PITPNM2: variants seen among roughly 807,000 people sequenced by gnomAD.
The protein encoded by PITPNM2 is membrane-associated phosphatidylinositol transfer protein 2.
A neutral mutation model predicts 132.2 loss-of-function variants in PITPNM2; 35 were observed. That is an observed-to-expected ratio of 0.26 (90% CI 0.20 to 0.35). PITPNM2 has a LOEUF of 0.35. Among genes scored for constraint, PITPNM2 ranks in the 10% least tolerant of loss-of-function variants. PITPNM2 has a pLI of 1.00. For missense variants in PITPNM2, 1,332 were observed against 1,912.0 expected, an observed-to-expected ratio of 0.70 and a Z score of 5.66; for synonymous variants, 738 against 799.2, an observed-to-expected ratio of 0.92 and a Z score of 1.29.
chr12:123,103,754 C>T (rs758903657), intron 2 of PITPNM2, among the ~76,000 whole-genome samples: 3 of 152,132 alleles, frequency 2.0e-5, no homozygotes, highest in Non-Finnish European at 4.4e-5. Context: ...TTTTCTTAGG[C>T]CTCAGTTTTC....
chr12:123,018,288 CTTTT>C (rs2039523594), intron 3 of PITPNM2, among the ~76,000 whole-genome samples: 1 of 113,202 alleles, frequency 8.8e-6, no homozygotes, highest in South Asian at 3.0e-4. Flanking sequence ...TTTCTTTTTT[CTTTT>C]CTTTTTTTTT....
At chr12:123,038,078 G>A (rs559269125) in intron 2 of PITPNM2, among the ~76,000 whole-genome samples, 4 of 152,358 alleles carry the variant, frequency 2.6e-5, no homozygotes, top group Admixed American at 6.5e-5. Context: ...GCTTAGGACC[G>A]TGCAAGGGCA....
rs1036114820 is a variant in PITPNM2 at position 123,083,444 on chromosome 12, C to T, written c.-96+26941G>A. On this transcript the variant is annotated intron_variant, in intron 2 of 25. Coordinates refer to ENST00000320201, the MANE Select transcript of PITPNM2 (RefSeq NM_020845.3). This position sits in a 1 kb window ranked among gnomAD's most constrained non-coding sequence, Gnocchi z 4.5. ...GTCCCTCACCCCCACTGTAGACTAACTCCTGGTCCCACCCTACGGCTTTGG... is the reference window on the plus strand; with the variant it reads ...GTCCCTCACCCCCACTGTAGACTAATTCCTGGTCCCACCCTACGGCTTTGG... The T allele has an allele frequency of 1.3e-5, 2 of 152,296 alleles. No homozygotes were observed. The highest frequency in any genetic ancestry group is 2.4e-5 in the African/African-American group (1 of 41,470). The allele number at this position is 152,296 out of a possible 1,614,324, so 9.4% of individuals were successfully genotyped here.
At chr12:123,127,562 C>A (rs1040278630) in intron 1 of PITPNM2, among the ~76,000 whole-genome samples, 8 of 151,538 alleles carry the variant, frequency 5.3e-5, no homozygotes, top group Non-Finnish European at 7.4e-5. Context: ...TCAAAACATT[C>A]ATTTTGCAAC....
At chr12:123,103,132 G>T (rs997673098) in intron 2 of PITPNM2, among the ~76,000 whole-genome samples, 1 of 152,182 alleles carries the variant, frequency 6.6e-6, no homozygotes, top group African/African-American at 2.4e-5. Context: ...TAGACACAAG[G>T]CCTCTGGTTT....
chr12:123,013,155 G>A (rs543231767), intron 4 of PITPNM2, among the ~76,000 whole-genome samples: 1 of 152,338 alleles, frequency 6.6e-6, no homozygotes, highest in East Asian at 1.9e-4. Flanking sequence ...GAGCTTAGAG[G>A]GGAAAGTACT....
intron 2 of PITPNM2, among the ~76,000 whole-genome samples, chr12:123,037,860 T>G (rs1415435088): frequency 6.6e-6 from 1 of 152,232 alleles, no homozygotes; most frequent in Non-Finnish European, 1.5e-5. Flanking sequence ...TTTCAAAGGC[T>G]CTGTGAGCAC....
rs563234882 is a variant in PITPNM2, at chr12:123,110,367, A to T, written c.-96+18T>A. 1 of 152,416 alleles carries T rather than the reference A, an allele frequency of 6.6e-6. No individual in the cohort carries two copies. Among genetic ancestry groups the T allele is most frequent in the South Asian group, 2.1e-4 (1 of 4,824 alleles). 9.4% of individuals were successfully genotyped at this position (152,416 alleles called of 1,614,324 possible). A position where few individuals can be genotyped will look rare whatever the true frequency, so the allele number is the denominator to read the frequency against. ...GCTCTGGGAAGTAGGGTGCTACTGC[A>T]CAGGTGGACGGCCTTACCTGTGGGT... is the stretch of plus-strand genomic sequence containing the variant. On this transcript the variant is annotated intron_variant, in intron 2 of 25. Transcript: ENST00000320201.
chr12:122,987,568 G>A lies in PITPNM2; in HGVS notation c.3206C>T (p.Thr1069Ile), dbSNP rs1342018961. The change falls in exon 22 of 26, where the codon ACC becomes ATC. Residue 1069 changes from threonine (T) to isoleucine (I), a missense_variant. Coordinates refer to ENST00000320201, the MANE Select transcript of PITPNM2 (RefSeq NM_020845.3). Reference sequence around the variant, plus strand: ...GCCCAGGCGGTGCGACTCAGGGATGGTGTAGGAGACACGCCCACTGTTGTT... The same window carrying A: ...GCCCAGGCGGTGCGACTCAGGGATGATGTAGGAGACACGCCCACTGTTGTT... ...VTNNSGRVSYTIPESHRLGVG... is the reference protein window; with the variant it reads ...VTNNSGRVSYIIPESHRLGVG... 2.5e-6 allele frequency: 4 copies of A among 1,613,852 alleles called. No homozygotes were observed. Among genetic ancestry groups the A allele is most frequent in the Non-Finnish European group, 3.4e-6 (4 of 1,180,020 alleles).
intron 1 of PITPNM2, among the ~76,000 whole-genome samples, chr12:123,118,393 T>A (rs1207164867): frequency 2.0e-5 from 3 of 152,144 alleles, no homozygotes; most frequent in African/African-American, 4.8e-5. Flanking sequence ...AAACATGAGA[T>A]GAGCAAAGAA....
At chr12:123,093,042 A>G (rs958634560) in intron 2 of PITPNM2, among the ~76,000 whole-genome samples, 2 of 152,226 alleles carry the variant, frequency 1.3e-5, no homozygotes, top group Non-Finnish European at 2.9e-5. Context: ...TGATTGCACC[A>G]TGAGAAGGAA....
Position 122,986,784 on chromosome 12 carries a change from C to T in PITPNM2, c.3459G>A (p.Arg1153=). The part of the protein sequence containing the change: ...LGYLIIYVTG[R]PDMQKQRVVA... ...CCACCCGCTGCTTCTGCATGTCGGG[C>T]CGGCCCGTCACGTAGATGATGAGGT... Residue 1153 remains arginine (R), a synonymous_variant, in exon 24 of 26, where the codon CGG becomes CGA. Transcript: ENST00000320201. 1 of 1,613,436 alleles carries T rather than the reference C, an allele frequency of 6.2e-7. No individual in the cohort carries two copies. Among genetic ancestry groups the T allele is most frequent in the South Asian group, 1.1e-5 (1 of 91,064 alleles).
At chr12:123,032,702 C>A (rs1490278190) in intron 3 of PITPNM2, among the ~76,000 whole-genome samples, 1 of 152,160 alleles carries the variant, frequency 6.6e-6, no homozygotes, top group East Asian at 1.9e-4. Context: ...AAGACAACAG[C>A]AGCACTGGCA....
upstream of PITPNM2, among the ~76,000 whole-genome samples, chr12:123,151,653 G>T (rs1295956840): frequency 1.3e-5 from 2 of 152,104 alleles, no homozygotes; most frequent in Non-Finnish European, 2.9e-5. Flanking sequence ...GGAGTAGCTG[G>T]AAGAGGATCA....
intron 2 of PITPNM2, among the ~76,000 whole-genome samples, chr12:123,045,062 ACT>A (rs1379232548): frequency 4.0e-5 from 6 of 151,872 alleles, no homozygotes; most frequent in Admixed American, 2.0e-4. Flanking sequence ...CTGAAGGCCA[ACT>A]CTCTGTCACT....
intron 3 of PITPNM2, among the ~76,000 whole-genome samples, chr12:123,019,730 T>C (rs2039593416): frequency 6.6e-6 from 1 of 152,210 alleles, no homozygotes; most frequent in African/African-American, 2.4e-5. Context: ...AAGAAAGAGA[T>C]GTCATTGTCC....
intron 2 of PITPNM2, among the ~76,000 whole-genome samples, chr12:123,110,172 T>A (rs1352971066): frequency 6.6e-6 from 1 of 152,140 alleles, no homozygotes; most frequent in Non-Finnish European, 1.5e-5. Context: ...CGAGGCTGTC[T>A]TGAAATCCTG....
chr12:123,024,183 C>T (rs1276890868), intron 3 of PITPNM2, among the ~76,000 whole-genome samples: 1 of 152,146 alleles, frequency 6.6e-6, no homozygotes, highest in Admixed American at 6.5e-5. Flanking sequence ...AAAAGATGCT[C>T]AACATCATTT....
Position 123,008,778 on chromosome 12 carries a change from C to T in PITPNM2, c.643+1072G>A, listed in dbSNP as rs192422192. ...TCTGCCCTGGGGATGGAGGTGGTGA[C>T]ACCAACACACCCATCGAGGCCCTGT... On this transcript the variant is annotated intron_variant, in intron 6 of 25. Transcript: ENST00000320201. This position sits in a 1 kb window ranked among gnomAD's most constrained non-coding sequence, Gnocchi z 4.1. 8.7e-4 allele frequency among the ~76,000 whole-genome samples: 133 copies of T among 152,304 alleles called. No homozygotes were observed. The highest frequency in any genetic ancestry group is 1.6e-3 in the Non-Finnish European group (107 of 68,026).
Sources: gnomAD v4.1 joint callset for allele counts (sites outside exome capture counted in the v4.1 genomes callset) on GRCh38, gnomAD v4.1.1 for gene constraint, Gnocchi (gnomAD v3.1) non-coding constraint, MANE v1.5 for transcripts, NCBI Gene and HGNC (gene_info 2026-07-23, HGNC 2026-07-21) for gene names.